The following NEK1 variants were observed in gnomAD, a reference collection of about 807,000 sequenced individuals.
NEK1 encodes NIMA related kinase 1.
A neutral mutation model predicts 182.1 loss-of-function variants in NEK1; 137 were observed. That is an observed-to-expected ratio of 0.75 (90% CI 0.65 to 0.87). The LOEUF is 0.87. NEK1 is among the 40% of genes least tolerant of loss of function. The pLI is 0.00. For synonymous variants in NEK1, 513 were observed against 492.2 expected, an observed-to-expected ratio of 1.04 and a Z score of -0.56; for missense variants, 1,391 against 1,494.4, an observed-to-expected ratio of 0.93 and a Z score of 1.14.
At chr4:169,410,434 C>T (rs1275490278) in intron 31 of NEK1, among the ~76,000 whole-genome samples, 2 of 152,108 alleles carry the variant, frequency 1.3e-5, no homozygotes, top group African/African-American at 2.4e-5. Flanking sequence ...AATTCTAATA[C>T]ACTCTTTGAG....
chr4:169,600,413 T>A (rs887769451), intron 4 of NEK1, among the ~76,000 whole-genome samples: 9 of 151,586 alleles, frequency 5.9e-5, no homozygotes, highest in Non-Finnish European at 1.3e-4. Context: ...CCCAGGCTGA[T>A]CTCAAATTCC....
chr4:169,496,057 T>C (rs1460553130), intron 23 of NEK1, among the ~76,000 whole-genome samples: 1 of 152,230 alleles, frequency 6.6e-6, no homozygotes, highest in Non-Finnish European at 1.5e-5. Context: ...CTTCCATTTG[T>C]TTGTATCCCC....
chr4:169,539,690 C>T (rs1759086590), intron 18 of NEK1, among the ~76,000 whole-genome samples: 1 of 152,150 alleles, frequency 6.6e-6, no homozygotes, highest in African/African-American at 2.4e-5. Flanking sequence ...GCAGATGAAC[C>T]TTCAGGTATG....
At chr4:169,515,774 T>C (rs1214468228) in intron 19 of NEK1, among the ~76,000 whole-genome samples, 8 of 46,430 alleles carry the variant, frequency 1.7e-4, no homozygotes, top group African/African-American at 6.9e-4. Flanking sequence ...GTTCTTGCGA[T>C]AGTTTACTGA....
intron 31 of NEK1, among the ~76,000 whole-genome samples, chr4:169,412,335 A>G (rs1012024970): frequency 8.5e-5 from 13 of 152,244 alleles, no homozygotes; most frequent in Admixed American, 8.5e-4. Flanking sequence ...TAAACTGCTT[A>G]TCACCTGTCC....
chr4:169,551,878 G>A (rs1761475566), intron 18 of NEK1, among the ~76,000 whole-genome samples: 1 of 151,998 alleles, frequency 6.6e-6, no homozygotes, highest in Non-Finnish European at 1.5e-5. Context: ...GGTATGAACA[G>A]GTGACTGAGA....
chr4:169,453,930 C>T (rs1742338870), intron 27 of NEK1, among the ~76,000 whole-genome samples: 1 of 151,670 alleles, frequency 6.6e-6, no homozygotes, highest in Admixed American at 6.6e-5. Context: ...ATGGTCTCAG[C>T]ACTAAAAGGC....
intron 27 of NEK1, among the ~76,000 whole-genome samples, chr4:169,457,865 A>T (rs897359169): frequency 3.3e-5 from 5 of 152,060 alleles, no homozygotes; most frequent in Non-Finnish European, 7.4e-5. Flanking sequence ...GAAGCTACAT[A>T]TTAAAAAGAT....
chr4:169,514,420 G>C (rs1754760011), intron 19 of NEK1, among the ~76,000 whole-genome samples: 1 of 152,146 alleles, frequency 6.6e-6, no homozygotes, highest in South Asian at 2.1e-4. Flanking sequence ...CTACTTCTGG[G>C]AACAGATTGT....
chr4:169,439,578 C>T (rs1244252938), intron 27 of NEK1, among the ~76,000 whole-genome samples: 4 of 152,082 alleles, frequency 2.6e-5, no homozygotes, highest in Non-Finnish European at 1.5e-5. Flanking sequence ...TCTATTAACA[C>T]CAGGAATCAG....
At chr4:169,416,915 A>T (rs1452515741) in intron 31 of NEK1, among the ~76,000 whole-genome samples, 1 of 152,236 alleles carries the variant, frequency 6.6e-6, no homozygotes, top group Admixed American at 6.5e-5. Context: ...TAATATTAAA[A>T]AAAGATTAAG....
At chr4:169,602,413 G>T in intron 3 of NEK1, 101 bp downstream of exon 3, 1 of 709,264 alleles carries the variant, frequency 1.4e-6, no homozygotes. Flanking sequence ...TTTTGCTTTA[G>T]GTTATCGATT....
chr4:169,523,162 T>C (rs1335262161), intron 19 of NEK1, among the ~76,000 whole-genome samples: 5 of 152,208 alleles, frequency 3.3e-5, no homozygotes, highest in Non-Finnish European at 7.3e-5. Context: ...GTTTTTACAC[T>C]GCAACATACT....
intron 12 of NEK1, among the ~76,000 whole-genome samples, chr4:169,572,328 A>C (rs1381967386): frequency 1.3e-5 from 2 of 152,244 alleles, no homozygotes; most frequent in Admixed American, 1.3e-4. Context: ...AAGAGTAGTC[A>C]ATAATGACTC....
intron 12 of NEK1, among the ~76,000 whole-genome samples, chr4:169,572,454 G>T (rs887380803): frequency 5.9e-5 from 9 of 152,130 alleles, no homozygotes; most frequent in African/African-American, 2.2e-4. Context: ...GTAATTTTGA[G>T]ATGTCTATTA....
At chr4:169,576,487 T>C (rs538243977) in intron 12 of NEK1, 1 of 155,128 alleles carries the variant, frequency 6.4e-6, no homozygotes, top group South Asian at 2.0e-4. Context: ...GCTTAAATTC[T>C]ACAGGTCTTC....
intron 27 of NEK1, among the ~76,000 whole-genome samples, chr4:169,459,954 A>G (rs904507947): frequency 6.6e-6 from 1 of 152,236 alleles, no homozygotes; most frequent in African/African-American, 2.4e-5. Flanking sequence ...GTGGTTACAT[A>G]GCATTATACA....
At position 169,556,071 on chromosome 4, in the gene NEK1, T is replaced by G; in HGVS notation, c.1291A>C (p.Thr431Pro). Residue 431 changes from threonine to proline, a missense_variant, in exon 17 of 36, where the codon ACT becomes CCT. By Grantham distance (38) the Thr-to-Pro change is conservative. Coordinates refer to ENST00000507142, the MANE Select transcript of NEK1 (RefSeq NM_001199397.3). ...GAAGAAAAAGATGATGGAGCTATAGTCCCTCCACTGCCCAGAAAAGGAGCC... is the reference window on the plus strand; with the variant it reads ...GAAGAAAAAGATGATGGAGCTATAGGCCCTCCACTGCCCAGAAAAGGAGCC... ...VKAPFLGSGG[T>P]IAPSSFSSRG... 6.2e-7 allele frequency: 1 copy of G among 1,613,056 alleles called. No homozygotes were observed. Among genetic ancestry groups the G allele is most frequent in the South Asian group, 1.1e-5 (1 of 90,924 alleles).
Position 169,505,907 on chromosome 4 carries a change from A to G in NEK1, c.2007+1130T>C, listed in dbSNP as rs577262697. 7.2e-5 allele frequency among the ~76,000 whole-genome samples: 11 copies of G among 152,314 alleles called. No individual in the cohort carries two copies. The East Asian group carries it at 2.1e-3, about 29-fold the overall frequency. ...TATAAACTATCTAGAAATAACCTTT[A>G]TAAGAAATACAACAGATAAGTGTGA... On this transcript the variant is annotated intron_variant, in intron 23 of 35. Coordinates refer to ENST00000507142, the MANE Select transcript of NEK1 (RefSeq NM_001199397.3).
Sources: allele counts gnomAD v4.1 joint callset (sites outside exome capture counted in the v4.1 genomes callset), GRCh38; gene constraint gnomAD v4.1.1; transcripts MANE v1.5; gene names NCBI Gene and HGNC (gene_info 2026-07-23, HGNC 2026-07-21).